Variants in RIMS4 observed in about 807,000 individuals in gnomAD.
RIMS4 encodes the protein regulating synaptic membrane exocytosis protein 4.
Under a neutral mutation model 29.0 loss-of-function variants are expected in RIMS4, and 9 were observed. That is an observed-to-expected ratio of 0.31 (90% CI 0.19 to 0.54). The LOEUF (loss-of-function observed/expected upper bound fraction) is 0.54, where lower values mean the gene tolerates loss of function less well. Among genes scored for constraint, RIMS4 ranks in the 20% least tolerant of loss-of-function variants. The pLI is 0.94. For missense variants in RIMS4, 193 were observed against 365.7 expected (o/e 0.53, Z 3.85); for synonymous variants, 130 against 152.9 (o/e 0.85, Z 1.10).
intron 2 of RIMS4, among the ~76,000 whole-genome samples, chr20:44,765,090 T>A (rs1278478468): frequency 1.3e-5 from 2 of 152,178 alleles, no homozygotes; most frequent in African/African-American, 4.8e-5. Flanking sequence ...TAATACCCAT[T>A]TTATAAAATG....
intron 1 of RIMS4, among the ~76,000 whole-genome samples, chr20:44,786,318 C>T (rs2868200): frequency 0.1 from 15,429 of 152,094 alleles, 1,171 homozygotes; most frequent in African/African-American, 0.21. Context: ...AAGTGAGAGT[C>T]GAGGCAAGGG....
intron 1 of RIMS4, among the ~76,000 whole-genome samples, chr20:44,775,331 T>C (rs1317799408): frequency 6.6e-6 from 1 of 152,128 alleles, no homozygotes; most frequent in Non-Finnish European, 1.5e-5. Flanking sequence ...TAGCATGCTA[T>C]GTGCTGTGGC....
chr20:44,785,199 T>C (rs2066202604), intron 1 of RIMS4, among the ~76,000 whole-genome samples: 3 of 151,978 alleles, frequency 2.0e-5, no homozygotes, highest in South Asian at 4.2e-4. Context: ...TTTGGGAGCC[T>C]GCAATCCCTG....
At chr20:44,788,570 C>T (rs145358230) in intron 1 of RIMS4, among the ~76,000 whole-genome samples, 12 of 152,078 alleles carry the variant, frequency 7.9e-5, no homozygotes, top group African/African-American at 1.9e-4. Flanking sequence ...CCCAGGAGTT[C>T]GAGACCAGCC....
chr20:44,764,139 T>G (rs7264618), intron 2 of RIMS4, among the ~76,000 whole-genome samples: 1 of 15,560 alleles, frequency 6.4e-5, no homozygotes, highest in Admixed American at 6.0e-4. Flanking sequence ...TCCATCCATT[T>G]ATGCATCCAT....
Position 44,810,279 on chromosome 20 carries a change from CCGGCGCCGGGCGCCTCGGCCGCGG to C in RIMS4, c.-32_-9del, listed in dbSNP as rs771697933. On this transcript the variant is annotated 5_prime_UTR_variant, in exon 1 of 6. Transcript: ENST00000372851. Reference sequence around the variant, plus strand: ...GCTCTGCGAGCGCTCCATGCCCGCGCCGGCGCCGGGCGCCTCGGCCGCGGCGGCGGCGGCGGCGGCGGGCGGCTT... The same window carrying C: ...GCTCTGCGAGCGCTCCATGCCCGCGCCGGCGGCGGCGGCGGCGGGCGGCTT... The C allele has an allele frequency of 8.7e-6, 10 of 1,154,268 alleles. No individual in the cohort carries two copies. The Admixed American group carries it at 3.8e-4, about 44-fold the overall frequency. 71.5% of individuals were successfully genotyped at this position (1,154,268 alleles called of 1,614,324 possible). A position where few individuals can be genotyped will look rare whatever the true frequency, so the allele number is the denominator to read the frequency against.
intron 2 of RIMS4, among the ~76,000 whole-genome samples, chr20:44,762,328 G>C (rs1269295663): frequency 3.3e-5 from 5 of 152,220 alleles, no homozygotes; most frequent in African/African-American, 1.2e-4. Flanking sequence ...TTTCACACTG[G>C]TGACATGGCC....
chr20:44,805,249 C>T (rs982917098), intron 1 of RIMS4, among the ~76,000 whole-genome samples: 7 of 151,954 alleles, frequency 4.6e-5, no homozygotes, highest in African/African-American at 1.5e-4. Flanking sequence ...GAGATGGCAG[C>T]GAGCTGAGAT....
intron 1 of RIMS4, among the ~76,000 whole-genome samples, chr20:44,791,333 G>T (rs2066231622): frequency 6.6e-6 from 1 of 152,214 alleles, no homozygotes; most frequent in Non-Finnish European, 1.5e-5. Flanking sequence ...CATATACGGT[G>T]TTATGAGGAT....
At chr20:44,809,692 G>C (rs2066314739) in intron 1 of RIMS4, among the ~76,000 whole-genome samples, 1 of 152,190 alleles carries the variant, frequency 6.6e-6, no homozygotes, top group Non-Finnish European at 1.5e-5. Flanking sequence ...CAAGGCCTGG[G>C]GCGCCGGGCA....
intron 1 of RIMS4, among the ~76,000 whole-genome samples, chr20:44,779,208 A>C (rs568362277): frequency 6.6e-6 from 1 of 152,342 alleles, no homozygotes; most frequent in African/African-American, 2.4e-5. Flanking sequence ...GCATTCTCTT[A>C]TCTTCTGGAG....
At chr20:44,768,853 C>T (rs2066124857) in intron 2 of RIMS4, among the ~76,000 whole-genome samples, 1 of 152,228 alleles carries the variant, frequency 6.6e-6, no homozygotes, top group Non-Finnish European at 1.5e-5. Context: ...TAGAATGCAA[C>T]TGACCAAAAC....
chr20:44,793,538 A>G (rs2066241993), intron 1 of RIMS4, among the ~76,000 whole-genome samples: 1 of 152,144 alleles, frequency 6.6e-6, no homozygotes, highest in South Asian at 2.1e-4. Context: ...GATACTGCTG[A>G]TGGATGCATC....
At chr20:44,759,513 C>T (rs933574594) in intron 2 of RIMS4, among the ~76,000 whole-genome samples, 2 of 152,210 alleles carry the variant, frequency 1.3e-5, no homozygotes, top group Non-Finnish European at 2.9e-5. Context: ...CCCACCTCGA[C>T]CTCCCAAAGT....
At chr20:44,806,429 C>T (rs889849955) in intron 1 of RIMS4, among the ~76,000 whole-genome samples, 1 of 152,158 alleles carries the variant, frequency 6.6e-6, no homozygotes, top group Non-Finnish European at 1.5e-5. Context: ...TGAAATCCTC[C>T]CCACCCTCTT....
rs375439986 is a variant in RIMS4 at position 44,756,169 on chromosome 20, C to G, written c.775G>C (p.Glu259Gln). 8.7e-6 allele frequency: 14 copies of G among 1,612,892 alleles called. No homozygotes were observed. Among genetic ancestry groups the G allele is most frequent in the Non-Finnish European group, 1.1e-5 (13 of 1,179,670 alleles). ...LLRQASQLSL[E>Q]STVGPCGERS ...TCTCCGCAGGGCCCCACGGTGCTCT[C>G]GAGGGACAACTGGGATGCCTGCCGG... is the stretch of plus-strand genomic sequence containing the variant. The change falls in exon 6 of 6, where the codon GAG becomes CAG. Residue 259 changes from glutamate to glutamine, a missense_variant. By Grantham distance (29) the Glu-to-Gln change is conservative. Transcript: ENST00000372851. This position sits in a 1 kb window ranked among gnomAD's most constrained non-coding sequence, Gnocchi z 5.9.
chr20:44,809,066 T>A (rs2066311444), intron 1 of RIMS4, among the ~76,000 whole-genome samples: 1 of 152,112 alleles, frequency 6.6e-6, no homozygotes, highest in Non-Finnish European at 1.5e-5. Flanking sequence ...TTTCACCTTA[T>A]AAAACACTGA....
chr20:44,807,807 GAA>G (rs2066305506), intron 1 of RIMS4, among the ~76,000 whole-genome samples: 1 of 152,110 alleles, frequency 6.6e-6, no homozygotes, highest in Non-Finnish European at 1.5e-5. Context: ...TTCCGGAAAT[GAA>G]AGTTGACTTT....
At position 44,756,082 on chromosome 20, in the gene RIMS4, C is replaced by A; in HGVS notation, c.*52G>T. The A allele has an allele frequency of 7.0e-7, 1 of 1,423,630 alleles. No homozygotes were observed. Among genetic ancestry groups the A allele is most frequent in the Non-Finnish European group, 9.7e-7 (1 of 1,033,320 alleles). 88.2% of individuals were successfully genotyped at this position (1,423,630 alleles called of 1,614,324 possible). ...TGCCCCTGGGCCTGGGGTCCCAGGT[C>A]AGGGCTGGGTGGTCTCCAGGCCATC... On this transcript the variant is annotated 3_prime_UTR_variant, in exon 6 of 6. Coordinates refer to ENST00000372851, the MANE Select transcript of RIMS4 (RefSeq NM_182970.4). This position sits in a 1 kb window ranked among gnomAD's most constrained non-coding sequence, Gnocchi z 5.9.
Sources: gnomAD v4.1 joint callset for allele counts (sites outside exome capture counted in the v4.1 genomes callset) on GRCh38, gnomAD v4.1.1 for gene constraint, Gnocchi (gnomAD v3.1) non-coding constraint, MANE v1.5 for transcripts, NCBI Gene and HGNC (gene_info 2026-07-23, HGNC 2026-07-21) for gene names.